Variants in DMD observed in about 807,000 individuals in gnomAD.
The protein encoded by DMD is dystrophin.
In DMD, 63 loss-of-function variants were observed where a neutral mutation model predicts 330.1. That is an observed-to-expected ratio of 0.19 (90% confidence interval 0.16 to 0.24). The LOEUF (loss-of-function observed/expected upper bound fraction) is 0.24, where lower values mean the gene tolerates loss of function less well. Among genes scored for constraint, DMD ranks in the 10% least tolerant of loss-of-function variants. DMD has a pLI of 1.00. For synonymous variants in DMD, 1,223 were observed against 959.8 expected, an observed-to-expected ratio of 1.27 and a Z score of -5.07; for missense variants, 3,344 against 2,684.1, an observed-to-expected ratio of 1.25 and a Z score of -5.43.
At chrX:31,431,039 A>C (rs2148998752) in intron 60 of DMD, among the ~76,000 whole-genome samples, 1 of 109,106 alleles carries the variant, frequency 9.2e-6, no homozygotes. Flanking sequence ...TGATCTCGTA[A>C]TTCACCCGCC....
In DMD at chrX:31,119,869, T is replaced by G. The variant is rs2147536336; in HGVS notation, c.*2050A>C. 9.0e-6 allele frequency: 1 copy of G among 111,169 alleles called. No individual in the cohort carries two copies. Among genetic ancestry groups the G allele is most frequent in the East Asian group, 2.8e-4 (1 of 3,575 alleles). The allele number at this position is 111,169 out of a possible 1,213,427, so 9.2% of individuals were successfully genotyped here. ...GCTTTGGGTTTTCTTTTGAAAATTATGAAGGAAAAAGAAAGAATTATAAAG... is the reference window on the plus strand; with the variant it reads ...GCTTTGGGTTTTCTTTTGAAAATTAGGAAGGAAAAAGAAAGAATTATAAAG... On this transcript the variant is annotated 3_prime_UTR_variant, in exon 79 of 79. Coordinates refer to ENST00000357033, the MANE Select transcript of DMD (RefSeq NM_004006.3).
At chrX:32,182,743 GTTTAC>G (rs970133730) in intron 44 of DMD, among the ~76,000 whole-genome samples, 4 of 111,695 alleles carry the variant, frequency 3.6e-5, no homozygotes, top group South Asian at 3.7e-4. Context: ...ATTTTATTCA[GTTTAC>G]TTTAATTTGA....
intron 44 of DMD, among the ~76,000 whole-genome samples, chrX:32,021,306 A>T (rs1249782528): frequency 9.0e-6 from 1 of 111,204 alleles, no homozygotes; most frequent in Non-Finnish European, 1.9e-5. Context: ...CTTAATATAA[A>T]GTTCAAATCC....
chrX:32,285,085 T>C (rs1398166530), intron 43 of DMD, among the ~76,000 whole-genome samples: 1 of 112,258 alleles, frequency 8.9e-6, no homozygotes, highest in African/African-American at 3.2e-5. Context: ...AAATTACTCA[T>C]GAGTAAAGCG....
intron 64 of DMD, among the ~76,000 whole-genome samples, chrX:31,216,535 G>T (rs2045424296): frequency 8.9e-6 from 1 of 112,320 alleles, no homozygotes; most frequent in Non-Finnish European, 1.9e-5. Flanking sequence ...ATAATACATG[G>T]TATATAGAAA....
At chrX:31,585,323 C>CAAA (rs1213158531) in intron 55 of DMD, among the ~76,000 whole-genome samples, 14 of 36,029 alleles carry the variant, frequency 3.9e-4, no homozygotes, top group African/African-American at 1.2e-3. Context: ...GACCCTGTCT[C>CAAA]AAAAAAAAAA....
intron 9 of DMD, among the ~76,000 whole-genome samples, chrX:32,657,727 T>C (rs1266876326): frequency 1.8e-5 from 2 of 112,261 alleles, no homozygotes; most frequent in Non-Finnish European, 3.8e-5. Context: ...GTAAAAGTAC[T>C]AAATTTAATT....
At chrX:31,429,310 G>C (rs963852251) in intron 60 of DMD, among the ~76,000 whole-genome samples, 1 of 111,471 alleles carries the variant, frequency 9.0e-6, no homozygotes, top group Non-Finnish European at 1.9e-5. Context: ...GGTGTTTCTT[G>C]CTTGGGTTCT....
chrX:32,781,781 C>A (rs1009708692), intron 7 of DMD, among the ~76,000 whole-genome samples: 1 of 111,295 alleles, frequency 9.0e-6, no homozygotes, highest in East Asian at 2.8e-4. Context: ...TTACCTATCT[C>A]AGAGAGAAAA....
intron 21 of DMD, among the ~76,000 whole-genome samples, chrX:32,474,141 C>G (rs1261948827): frequency 9.0e-6 from 1 of 110,656 alleles, no homozygotes; most frequent in Non-Finnish European, 1.9e-5. Context: ...ATTCAGGTCA[C>G]TGCAAATGCT....
chrX:31,187,724 AGAG>A (rs2041921532), intron 67 of DMD, among the ~76,000 whole-genome samples: 2 of 5,947 alleles, frequency 3.4e-4, no homozygotes, highest in Non-Finnish European at 6.4e-4. Flanking sequence ...TCTCAGAGAG[AGAG>A]AGAGAGAGAG....
chrX:32,202,634 G>A (rs777287459), intron 44 of DMD, among the ~76,000 whole-genome samples: 1 of 112,296 alleles, frequency 8.9e-6, no homozygotes, highest in Admixed American at 9.4e-5. Flanking sequence ...ACAGGCGTGA[G>A]CCACCGCACC....
At position 32,468,087 on chromosome X, in the gene DMD, TAC is replaced by T. The variant is rs2040234174; in HGVS notation, c.3162+409_3162+410del. On this transcript the variant is annotated intron_variant, in intron 23 of 78. Coordinates refer to ENST00000357033, the MANE Select transcript of DMD (RefSeq NM_004006.3). ...AAAGGTAATATAGGAAATAATCATATACATACTATACATTATATATATAAAAT... is the reference window on the plus strand; with the variant it reads ...AAAGGTAATATAGGAAATAATCATATATACTATACATTATATATATAAAAT... Among the ~76,000 whole-genome samples the T allele has an allele frequency of 4.5e-5, 5 of 110,208 alleles. No homozygotes were observed. The Admixed American group carries it at 4.9e-4, about 11-fold the overall frequency.
At chrX:32,180,143 G>A (rs1349315547) in intron 44 of DMD, among the ~76,000 whole-genome samples, 2 of 112,152 alleles carry the variant, frequency 1.8e-5, no homozygotes, top group Non-Finnish European at 1.9e-5. Context: ...TCTGCGGAAA[G>A]CAAGTTAGTG....
At chrX:31,964,184 T>G (rs780217801) in intron 45 of DMD, among the ~76,000 whole-genome samples, 1 of 111,612 alleles carries the variant, frequency 9.0e-6, no homozygotes, top group African/African-American at 3.2e-5. Flanking sequence ...ACAGAACAAG[T>G]TAAATCATCC....
At chrX:32,213,722 C>T (rs781644052) in intron 44 of DMD, among the ~76,000 whole-genome samples, 1 of 111,266 alleles carries the variant, frequency 9.0e-6, no homozygotes, top group Non-Finnish European at 1.9e-5. Flanking sequence ...CGTCTGCAAT[C>T]CCAGCACTTT....
At chrX:32,368,322 T>A (rs1316830157) in intron 34 of DMD, among the ~76,000 whole-genome samples, 2 of 109,251 alleles carry the variant, frequency 1.8e-5, no homozygotes, top group Non-Finnish European at 3.8e-5. Context: ...TAGAAAAAAA[T>A]CACATTTTTT....
At chrX:32,891,711 G>T (rs768596194) in intron 2 of DMD, among the ~76,000 whole-genome samples, 2 of 111,739 alleles carry the variant, frequency 1.8e-5, no homozygotes, top group Non-Finnish European at 3.8e-5. Context: ...AAAACATAAG[G>T]AGAGTCTATC....
At chrX:32,160,208 GGT>G (rs371221151) in intron 44 of DMD, among the ~76,000 whole-genome samples, 4,021 of 100,897 alleles carry the variant, frequency 0.04, 201 homozygotes, top group African/African-American at 0.15. Context: ...TTCCAACTTT[GGT>G]TTTTTTTTTT....
Sources: allele counts gnomAD v4.1 joint callset (sites outside exome capture counted in the v4.1 genomes callset), GRCh38; gene constraint gnomAD v4.1.1; transcripts MANE v1.5; gene names NCBI Gene and HGNC (gene_info 2026-07-23, HGNC 2026-07-21).